Variants in ALK observed in about 807,000 individuals in gnomAD.
ALK encodes ALK receptor tyrosine kinase, also known as ALK tyrosine kinase receptor.
In ALK, 74 loss-of-function variants were observed where a neutral mutation model predicts 163.1. That is an observed-to-expected ratio of 0.45 (90% CI 0.38 to 0.55). The LOEUF is 0.55. Ranked by LOEUF, ALK falls within the 20% of genes least tolerant of loss-of-function variation. The pLI, the probability that ALK is intolerant of heterozygous loss-of-function variation, is 0.00. For missense variants in ALK, 2,063 were observed against 2,105.3 expected (o/e 0.98, Z 0.39); for synonymous variants, 960 against 843.2 (o/e 1.14, Z -2.40).
At chr2:29,731,412 C>A (rs923614772) in intron 1 of ALK, among the ~76,000 whole-genome samples, 3 of 152,230 alleles carry the variant, frequency 2.0e-5, no homozygotes, top group East Asian at 1.9e-4. Flanking sequence ...AGCATAAACT[C>A]GGAGAAACTG....
chr2:29,488,388 T>C (rs772952205), intron 4 of ALK, among the ~76,000 whole-genome samples: 1 of 152,156 alleles, frequency 6.6e-6, no homozygotes, highest in African/African-American at 2.4e-5. Context: ...ACTCAAACAC[T>C]GGTGACTCAC....
intron 4 of ALK, among the ~76,000 whole-genome samples, chr2:29,442,342 A>G (rs1670567432): frequency 6.6e-6 from 1 of 152,058 alleles, no homozygotes; most frequent in African/African-American, 2.4e-5. Flanking sequence ...CTGAGCATGA[A>G]TGCGGTTGGG....
chr2:29,673,772 A>G (rs968506194), intron 3 of ALK, among the ~76,000 whole-genome samples: 5 of 150,628 alleles, frequency 3.3e-5, no homozygotes, highest in African/African-American at 1.2e-4. Context: ...CTTGGGCAGT[A>G]TGGCCATTTT....
chr2:29,704,854 T>C (rs938206379), intron 2 of ALK, among the ~76,000 whole-genome samples: 3 of 152,154 alleles, frequency 2.0e-5, no homozygotes, highest in Non-Finnish European at 2.9e-5. Context: ...CGCATCAGCC[T>C]TGTGCTTGGG....
At chr2:29,373,951 A>G (rs1006899124) in intron 5 of ALK, among the ~76,000 whole-genome samples, 2 of 152,256 alleles carry the variant, frequency 1.3e-5, no homozygotes, top group Non-Finnish European at 2.9e-5. Flanking sequence ...AGGTCTTAGG[A>G]GGCAAGAGAA....
intron 9 of ALK, among the ~76,000 whole-genome samples, chr2:29,290,561 C>A (rs772955420): frequency 2.3e-4 from 35 of 152,200 alleles, no homozygotes; most frequent in Non-Finnish European, 4.4e-4. Context: ...GGGCCATGTG[C>A]TCCTAAAGAT....
chr2:29,323,834 C>G (rs1481180670), intron 6 of ALK, among the ~76,000 whole-genome samples: 1 of 152,124 alleles, frequency 6.6e-6, no homozygotes, highest in Non-Finnish European at 1.5e-5. Context: ...CTCATTCGCC[C>G]CAAGCTCCTA....
intron 3 of ALK, among the ~76,000 whole-genome samples, chr2:29,641,189 G>A (rs1458224003): frequency 6.6e-6 from 1 of 152,096 alleles, no homozygotes; most frequent in African/African-American, 2.4e-5. Context: ...TTTCAAGCAA[G>A]GGAATTTTAA....
At chr2:29,430,472 A>G (rs1670246424) in intron 4 of ALK, among the ~76,000 whole-genome samples, 1 of 152,224 alleles carries the variant, frequency 6.6e-6, no homozygotes, top group Non-Finnish European at 1.5e-5. Context: ...CTTTAACACA[A>G]CTACTCAGCT....
At chr2:29,660,128 G>C (rs747849149) in intron 3 of ALK, among the ~76,000 whole-genome samples, 1 of 152,148 alleles carries the variant, frequency 6.6e-6, no homozygotes, top group Non-Finnish European at 1.5e-5. Flanking sequence ...GGGGCACCAA[G>C]AGTCTGTCCA....
At chr2:29,489,430 G>T (rs1285561459) in intron 4 of ALK, among the ~76,000 whole-genome samples, 1 of 152,092 alleles carries the variant, frequency 6.6e-6, no homozygotes, top group Non-Finnish European at 1.5e-5. Context: ...CTTCTGAGTA[G>T]CTGGGACTAC....
intron 1 of ALK, among the ~76,000 whole-genome samples, chr2:29,829,507 T>C (rs139113468): frequency 1.3e-5 from 2 of 152,288 alleles, no homozygotes; most frequent in East Asian, 3.9e-4. Context: ...CTACTGCATG[T>C]TGCCCAAGAC....
At position 29,531,969 on chromosome 2, in the gene ALK, G is replaced by A; in HGVS notation, c.1100C>T (p.Pro367Leu). The change falls in exon 4 of 29, where the codon CCC becomes CTC. Residue 367 changes from proline to leucine, a missense_variant. Around this residue, in one of 5 missense-constraint regions of ALK, gnomAD observed 987 missense variants for 939.5 expected, o/e 1.05. Transcript: ENST00000389048. The part of the protein sequence containing the change: ...PSGRYIAQLL[P>L]HNEAAREILL... ...GATCTCTCTTGCAGCCTCGTTGTGG[G>A]GCAGCAGCTGGGCAATGTACCTTCC... The A allele has an allele frequency of 6.2e-7, 1 of 1,614,146 alleles. No homozygotes were observed. The highest frequency in any genetic ancestry group is 8.5e-7 in the Non-Finnish European group (1 of 1,180,004).
chr2:29,834,631 C>T (rs935707421), intron 1 of ALK, among the ~76,000 whole-genome samples: 1 of 152,108 alleles, frequency 6.6e-6, no homozygotes, highest in Non-Finnish European at 1.5e-5. Context: ...ATAGGAAATA[C>T]TTTGTCTAGA....
At chr2:29,369,146 G>A (rs954335041) in intron 5 of ALK, among the ~76,000 whole-genome samples, 6 of 152,154 alleles carry the variant, frequency 3.9e-5, no homozygotes, top group African/African-American at 1.4e-4. Flanking sequence ...TATCTACCTA[G>A]AGCCTTGCTT....
chr2:29,592,192 C>T (rs376859073), intron 3 of ALK, among the ~76,000 whole-genome samples: 3 of 152,074 alleles, frequency 2.0e-5, no homozygotes, highest in Admixed American at 6.5e-5. Context: ...CTGCTCCCTG[C>T]GGGTCTGACT....
intron 5 of ALK, among the ~76,000 whole-genome samples, chr2:29,372,679 A>G (rs1179951815): frequency 2.0e-5 from 3 of 152,196 alleles, no homozygotes; most frequent in Non-Finnish European, 4.4e-5. Context: ...TAGCACCCAA[A>G]TGACTCAGGA....
At chr2:29,453,185 ACT>A (rs1670865323) in intron 4 of ALK, among the ~76,000 whole-genome samples, 1 of 128,530 alleles carries the variant, frequency 7.8e-6, no homozygotes, top group Admixed American at 7.8e-5. Flanking sequence ...GTTTATAGAA[ACT>A]CTGTACTGTT....
At chr2:29,513,390 C>A (rs1242746800) in intron 4 of ALK, among the ~76,000 whole-genome samples, 1 of 146,570 alleles carries the variant, frequency 6.8e-6, no homozygotes, top group Admixed American at 6.8e-5. Context: ...GAAAAACAAG[C>A]AATGGGGAAA....
Sources: gnomAD v4.1 joint callset for allele counts (sites outside exome capture counted in the v4.1 genomes callset) on GRCh38, gnomAD v4.1.1 for gene constraint, gnomAD v4.1.1 regional missense constraint, MANE v1.5 for transcripts, NCBI Gene and HGNC (gene_info 2026-07-23, HGNC 2026-07-21) for gene names.